AGAP3: variants seen among roughly 807,000 people sequenced by gnomAD.
The protein encoded by AGAP3 is arf-GAP with GTPase, ANK repeat and PH domain-containing protein 3.
A neutral mutation model predicts 96.9 loss-of-function variants in AGAP3; 24 were observed. The observed-to-expected ratio is 0.25, with a 90% CI of 0.18 to 0.35. The LOEUF is 0.35. Ranked by LOEUF, AGAP3 falls within the 10% of genes least tolerant of loss-of-function variation. The probability of loss-of-function intolerance (pLI) is 1.00; values close to 1 mark genes in which losing one functional copy is unlikely to be tolerated. For synonymous variants in AGAP3, 563 were observed against 536.1 expected (o/e 1.05, Z -0.69); for missense variants, 876 against 1,254.2 (o/e 0.70, Z 4.55).
chr7:151,134,104 G>A (rs1045622362), intron 10 of AGAP3, among the ~76,000 whole-genome samples: 31 of 152,160 alleles, frequency 2.0e-4, no homozygotes, highest in African/African-American at 6.5e-4. Flanking sequence ...GCTTTGTGCT[G>A]TTGCCTCTGA....
chr7:151,117,475 G>A lies in AGAP3; in HGVS notation c.564+19G>A. 6.2e-7 allele frequency: 1 copy of A among 1,613,984 alleles called. No homozygotes were observed. The highest frequency in any genetic ancestry group is 2.2e-5 in the East Asian group (1 of 44,900). On this transcript the variant is annotated intron_variant, in intron 4 of 17. Transcript: ENST00000397238. ...GCTCCAGGTGATGCTCCTGCCCAGG[G>A]TTAGGGCCCACCGCTGTGCCTGGAG...
chr7:151,143,463 G>A lies in AGAP3; in HGVS notation c.2396G>A (p.Arg799Gln), dbSNP rs777375076. ...CGGGCCGTGGTGGAAGATGACCTGC[G>A]GCTGTTGGTGATGCTCCTGGCACAT... ...LLRAVVEDDL[R>Q]LLVMLLAHGS... is the part of the protein sequence containing the mutation. Residue 799 changes from arginine to glutamine, a missense_variant, in exon 17 of 18, where the codon CGG becomes CAG. Around this residue, in one of 8 missense-constraint regions of AGAP3, gnomAD observed 213 missense variants for 253.8 expected, o/e 0.84. Coordinates refer to ENST00000397238, the MANE Select transcript of AGAP3 (RefSeq NM_031946.7). This position sits in a 1 kb window ranked among gnomAD's most constrained non-coding sequence, Gnocchi z 5.9. 79 of 1,614,096 alleles carry A rather than the reference G, an allele frequency of 4.9e-5. No individual in the cohort carries two copies. The highest frequency in any genetic ancestry group is 1.6e-4 in the Middle Eastern group (1 of 6,084).
rs376557091 is a variant in AGAP3, at chr7:151,097,770, C to T, written c.331+10698C>T. On this transcript the variant is annotated intron_variant, in intron 1 of 17. Transcript: ENST00000397238. ...GGACCTGGCCCCATGACCCAAACAC[C>T]CTCCCACCAGGCCCCACCTCTAACA... Among the ~76,000 whole-genome samples, 68 of 152,180 alleles carry T rather than the reference C, an allele frequency of 4.5e-4. 2 individuals carry two copies. The highest frequency in any genetic ancestry group is 1.2e-3 in the East Asian group (6 of 5,172).
In AGAP3 at chr7:151,094,623, C is replaced by T. The variant is rs192021853; in HGVS notation, c.331+7551C>T. ...TAAAACATTTTTGAGAGGTCATTTG[C>T]ATTTTGTTCATTCTGTACATATCCT... On this transcript the variant is annotated intron_variant, in intron 1 of 17. Coordinates refer to ENST00000397238, the MANE Select transcript of AGAP3 (RefSeq NM_031946.7). Among the ~76,000 whole-genome samples, 248 of 152,248 alleles carry T rather than the reference C, an allele frequency of 1.6e-3. 3 individuals carry two copies. The highest frequency in any genetic ancestry group is 6.8e-3 in the Middle Eastern group (2 of 294).
At chr7:151,138,106 C>T (rs748410056) in intron 11 of AGAP3, 37 bp from the exon 12 acceptor site, 42 of 1,493,402 alleles carry the variant, frequency 2.8e-5, no homozygotes, top group Non-Finnish European at 3.6e-5. Context: ...CTCCCCTGCC[C>T]GGCCTCCCTT....
chr7:151,117,834 AT>A, intron 5 of AGAP3, 57 bp downstream of exon 5: 1 of 1,556,656 alleles, frequency 6.4e-7, no homozygotes, highest in Non-Finnish European at 8.7e-7. Flanking sequence ...GCAACGATGC[AT>A]GGGGGCAGGG....
At chr7:151,127,039 G>T (rs920117887) in intron 9 of AGAP3, among the ~76,000 whole-genome samples, 2 of 152,236 alleles carry the variant, frequency 1.3e-5, no homozygotes, top group African/African-American at 4.8e-5. Context: ...TGCTGGGGCC[G>T]CTGGAAGTGG....
At chr7:151,119,847 T>C in intron 7 of AGAP3, 140 bp from the exon 8 acceptor site, 1 of 704,346 alleles carries the variant, frequency 1.4e-6, no homozygotes, top group Non-Finnish European at 2.3e-6. Flanking sequence ...TCCCCCCATA[T>C]CATCTGTAGG....
At position 151,143,042 on chromosome 7, in the gene AGAP3, C is replaced by T. The variant is rs1161162069; in HGVS notation, c.2274-299C>T. On this transcript the variant is annotated intron_variant, in intron 16 of 17. Coordinates refer to ENST00000397238, the MANE Select transcript of AGAP3 (RefSeq NM_031946.7). The surrounding 1 kb of genome is among the most constrained non-coding windows in gnomAD (Gnocchi z 5.9). ...TCAGACGGCCAGATAAGCTGCAACA[C>T]GGGCCTGCCTGGAATCTTCCTGCCC... Among the ~76,000 whole-genome samples, 2 of 152,174 alleles carry T rather than the reference C, an allele frequency of 1.3e-5. No homozygotes were observed. The highest frequency in any genetic ancestry group is 6.5e-5 in the Admixed American group (1 of 15,284).
intron 9 of AGAP3, 96 bp from the exon 10 acceptor site, chr7:151,128,484 G>A: frequency 9.9e-7 from 1 of 1,010,176 alleles, no homozygotes; most frequent in Non-Finnish European, 1.5e-6. Flanking sequence ...GAGAAGCGGG[G>A]AGGGGGGAGG....
chr7:151,130,743 C>T (rs1034707934), intron 10 of AGAP3, among the ~76,000 whole-genome samples: 1 of 152,150 alleles, frequency 6.6e-6, no homozygotes, highest in Non-Finnish European at 1.5e-5. Flanking sequence ...GAGGCAGGGC[C>T]GGTTGTGGCT....
intron 1 of AGAP3, among the ~76,000 whole-genome samples, chr7:151,099,821 G>T (rs1379451999): frequency 6.6e-6 from 1 of 152,102 alleles, no homozygotes; most frequent in Non-Finnish European, 1.5e-5. Context: ...GGTTTTTTTT[G>T]TTTGTTTGTT....
chr7:151,087,125 C>T, intron 1 of AGAP3, 53 bp downstream of exon 1: 1 of 1,533,876 alleles, frequency 6.5e-7, no homozygotes, highest in Admixed American at 2.0e-5. Flanking sequence ...TCTCCGGCGC[C>T]GGCCGAGGGC....
intron 10 of AGAP3, among the ~76,000 whole-genome samples, 177 bp from the exon 11 acceptor site, chr7:151,134,223 G>T (rs555836316): frequency 2.6e-5 from 4 of 152,110 alleles, no homozygotes; most frequent in Admixed American, 2.6e-4. Context: ...TTTGAGCACC[G>T]TGGAGATCGA....
At chr7:151,117,820 C>A (rs1347038631) in intron 5 of AGAP3, 43 bp downstream of exon 5, 2 of 1,571,898 alleles carry the variant, frequency 1.3e-6, no homozygotes, top group African/African-American at 2.7e-5. Context: ...GCAGGAAGTC[C>A]CGGGCAACGA....
At position 151,133,732 on chromosome 7, in the gene AGAP3, G is replaced by A. The variant is rs1334880360; in HGVS notation, c.1327-668G>A. Among the ~76,000 whole-genome samples, 2 of 152,172 alleles carry A rather than the reference G, an allele frequency of 1.3e-5. No individual in the cohort carries two copies. Among genetic ancestry groups the A allele is most frequent in the Admixed American group, 6.5e-5 (1 of 15,280 alleles). ...TGGTGAAGATTACGCGAGGCTATACGTGGAATGTATAAATACACTGCTGTA... is the reference window on the plus strand; with the variant it reads ...TGGTGAAGATTACGCGAGGCTATACATGGAATGTATAAATACACTGCTGTA... On this transcript the variant is annotated intron_variant, in intron 10 of 17. Transcript: ENST00000397238. The surrounding 1 kb of genome is among the most constrained non-coding windows in gnomAD (Gnocchi z 5.4).
At chr7:151,126,512 C>T (rs1800185306) in intron 9 of AGAP3, among the ~76,000 whole-genome samples, 2 of 151,338 alleles carry the variant, frequency 1.3e-5, no homozygotes, top group Admixed American at 1.3e-4. Context: ...GGGCGGGGAG[C>T]CGGGTCCATC....
rs771927623 is a variant in AGAP3 at position 151,143,356 on chromosome 7, CT to C, written c.2290del (p.Trp764GlyfsTer39). The C allele has an allele frequency of 6.2e-7, 1 of 1,612,300 alleles. No individual in the cohort carries two copies. The highest frequency in any genetic ancestry group is 1.7e-5 in the Admixed American group (1 of 59,936). On this transcript the variant is annotated frameshift_variant, in exon 17 of 18. Coordinates refer to ENST00000397238, the MANE Select transcript of AGAP3 (RefSeq NM_031946.7). LOFTEE classifies it high-confidence loss of function. The surrounding 1 kb of genome is among the most constrained non-coding windows in gnomAD (Gnocchi z 5.9). Reference protein sequence around the residue: ...PDACREEKERWIRAKYEQKLF... With the variant: ...PDACREEKERXIRAKYEQKLF... ...GTGGTTGCAGAGAGGAGAAGGAACG[CT>C]GGATACGGGCCAAGTATGAACAGAA...
chr7:151,094,687 T>C (rs566371853), intron 1 of AGAP3, among the ~76,000 whole-genome samples: 1 of 152,314 alleles, frequency 6.6e-6, no homozygotes, highest in African/African-American at 2.4e-5. Context: ...CTTTTTCTTT[T>C]TTCTTTTTGT....
Sources: allele counts gnomAD v4.1 joint callset (sites outside exome capture counted in the v4.1 genomes callset), GRCh38; gene constraint gnomAD v4.1.1; regional missense constraint gnomAD v4.1.1; non-coding constraint Gnocchi (gnomAD v3.1); transcripts MANE v1.5; gene names NCBI Gene and HGNC (gene_info 2026-07-23, HGNC 2026-07-21).